The following CSRP1 variants were observed in gnomAD, a reference collection of about 807,000 sequenced individuals.
The protein encoded by CSRP1 is cysteine and glycine-rich protein 1.
CSRP1 carries 16 observed loss-of-function variants against 25.4 expected under a neutral mutation model. The ratio of observed to expected loss-of-function variants is 0.63; its 90% CI spans 0.43 to 0.96. CSRP1 has a LOEUF of 0.96. Ranked by LOEUF, CSRP1 falls within the 40% of genes least tolerant of loss-of-function variation. CSRP1 has a pLI of 0.00. For synonymous variants in CSRP1, 97 were observed against 95.3 expected (o/e 1.02, Z -0.10); for missense variants, 212 against 243.6 (o/e 0.87, Z 0.86).
intron 1 of CSRP1, among the ~76,000 whole-genome samples, chr1:201,505,853 C>G (rs890706917): frequency 6.6e-6 from 1 of 152,226 alleles, no homozygotes; most frequent in African/African-American, 2.4e-5. Context: ...CAAATCCCAC[C>G]TGGGGAAAAT....
intron 2 of CSRP1, among the ~76,000 whole-genome samples, chr1:201,493,376 T>C (rs1486618962): frequency 3.3e-5 from 5 of 152,200 alleles, no homozygotes; most frequent in African/African-American, 1.2e-4. Flanking sequence ...AATTGAATCA[T>C]GGGGGCAGCT....
intron 1 of CSRP1, among the ~76,000 whole-genome samples, chr1:201,498,203 G>A (rs1222298709): frequency 6.6e-6 from 1 of 152,194 alleles, no homozygotes. Context: ...GAGAACAGAT[G>A]GGGCCTGCTT....
intron 2 of CSRP1, among the ~76,000 whole-genome samples, chr1:201,493,380 G>A (rs1371188346): frequency 6.6e-6 from 1 of 152,202 alleles, no homozygotes; most frequent in East Asian, 1.9e-4. Context: ...GAATCATGGG[G>A]GCAGCTTCCG....
chr1:201,488,336 C>A (rs911526698), intron 4 of CSRP1: 1 of 152,254 alleles, frequency 6.6e-6, no homozygotes, highest in African/African-American at 2.4e-5. Context: ...TGAAAAAAGC[C>A]TCCTAGGAGG....
At chr1:201,502,877 A>G (rs4024239) in intron 1 of CSRP1, among the ~76,000 whole-genome samples, 106,637 of 151,758 alleles carry the variant, frequency 0.7, 37,746 homozygotes, top group Middle Eastern at 0.79. Flanking sequence ...GCTCATTCCT[A>G]TAATCCTAGC....
chr1:201,493,581 T>G (rs953969806), intron 2 of CSRP1, among the ~76,000 whole-genome samples: 2 of 152,202 alleles, frequency 1.3e-5, no homozygotes, highest in Non-Finnish European at 2.9e-5. Flanking sequence ...CTTTCCTTTA[T>G]AAATTACCCA....
chr1:201,503,792 C>G (rs1244701880), intron 1 of CSRP1, among the ~76,000 whole-genome samples: 1 of 152,172 alleles, frequency 6.6e-6, no homozygotes, highest in Non-Finnish European at 1.5e-5. Flanking sequence ...TCTGCCCTCC[C>G]CTCAAGTTTT....
chr1:201,486,514 A>T (rs1260414209), intron 4 of CSRP1: 1 of 985,514 alleles, frequency 1.0e-6, no homozygotes, highest in Non-Finnish European at 1.2e-6. Flanking sequence ...CAGAGAGCTG[A>T]AATGGGGGGA....
intron 1 of CSRP1, among the ~76,000 whole-genome samples, chr1:201,497,966 C>T (rs567653640): frequency 3.3e-5 from 5 of 151,572 alleles, no homozygotes; most frequent in East Asian, 3.9e-4. Flanking sequence ...GTCGAGATCG[C>T]GCCATTGCAT....
intron 4 of CSRP1, chr1:201,485,651 G>A (rs1485912136): frequency 1.5e-5 from 7 of 456,388 alleles, no homozygotes; most frequent in Non-Finnish European, 2.8e-5. Flanking sequence ...GTGAGGGGGT[G>A]GGTTTAACAC....
chr1:201,491,296 CTT>C (rs1363729438), intron 2 of CSRP1: 2 of 152,074 alleles, frequency 1.3e-5, no homozygotes, highest in Admixed American at 6.5e-5. Flanking sequence ...ATAAATAAAA[CTT>C]TTAAAAATAA....
chr1:201,484,325 C>A lies in CSRP1; in HGVS notation c.*388G>T, dbSNP rs969016365. The A allele has an allele frequency of 7.8e-6, 4 of 510,088 alleles. No homozygotes were observed. Among genetic ancestry groups the A allele is most frequent in the African/African-American group, 5.7e-5 (3 of 53,038 alleles). 31.6% of individuals were successfully genotyped at this position (510,088 alleles called of 1,614,324 possible). On this transcript the variant is annotated 3_prime_UTR_variant, in exon 6 of 6. Transcript: ENST00000340006. The stretch of plus-strand genomic sequence containing the variant: ...CCTCATCTTGGTCTTGCTTCCCTCT[C>A]CCTCCAGCCTGTTGCTGCTGCTCCT...
At chr1:201,489,160 C>G in intron 3 of CSRP1, 176 bp from the exon 4 acceptor site, 1 of 649,086 alleles carries the variant, frequency 1.5e-6, no homozygotes, top group South Asian at 2.0e-5. Context: ...ATGGACAAAC[C>G]AAGCCTCAGC....
chr1:201,500,196 C>T (rs1664623501), intron 1 of CSRP1, among the ~76,000 whole-genome samples: 2 of 152,230 alleles, frequency 1.3e-5, no homozygotes, highest in Admixed American at 1.3e-4. Context: ...CTTTTCCAAC[C>T]CCCTGAACCA....
In CSRP1 at chr1:201,484,539, G is replaced by GT; in HGVS notation, c.*173dup. On this transcript the variant is annotated 3_prime_UTR_variant, in exon 6 of 6. Coordinates refer to ENST00000340006, the MANE Select transcript of CSRP1 (RefSeq NM_004078.3). The stretch of plus-strand genomic sequence containing the variant: ...CAGGCCTGGGGAGCCCTTTAGTGGG[G>GT]TGGGACCTCAGGCAGACCCCCAAAC... 1.6e-6 allele frequency: 1 copy of GT among 640,620 alleles called. No homozygotes were observed. Among genetic ancestry groups the GT allele is most frequent in the South Asian group, 2.0e-5 (1 of 50,820 alleles). 39.7% of individuals were successfully genotyped at this position (640,620 alleles called of 1,614,324 possible).
intron 1 of CSRP1, among the ~76,000 whole-genome samples, chr1:201,502,591 C>T (rs536330007): frequency 1.3e-5 from 2 of 152,260 alleles, no homozygotes. Flanking sequence ...CCTTCAGAAC[C>T]GTGCACATGA....
chr1:201,504,313 A>AAC (rs992850800), intron 1 of CSRP1, among the ~76,000 whole-genome samples: 1 of 152,210 alleles, frequency 6.6e-6, no homozygotes, highest in African/African-American at 2.4e-5. Flanking sequence ...TGTCCAAGAT[A>AAC]ACACATGTGA....
At chr1:201,504,018 T>A (rs990208133) in intron 1 of CSRP1, among the ~76,000 whole-genome samples, 1 of 152,196 alleles carries the variant, frequency 6.6e-6, no homozygotes, top group East Asian at 1.9e-4. Flanking sequence ...GTGAAAGATA[T>A]CTTCCTTAAA....
At chr1:201,490,063 G>C (rs896824029) in intron 3 of CSRP1, 113 bp downstream of exon 3, 2 of 1,100,022 alleles carry the variant, frequency 1.8e-6, no homozygotes, top group Admixed American at 2.7e-5. Flanking sequence ...TAAATAACTG[G>C]TTTTCTGAGC....
Sources: allele counts gnomAD v4.1 joint callset (sites outside exome capture counted in the v4.1 genomes callset), GRCh38; gene constraint gnomAD v4.1.1; transcripts MANE v1.5; gene names NCBI Gene and HGNC (gene_info 2026-07-23, HGNC 2026-07-21).